Variants in TRNAU1AP observed in about 807,000 individuals in gnomAD.
The protein encoded by TRNAU1AP is tRNA selenocysteine 1 associated protein 1, also known as tRNA selenocysteine 1-associated protein 1.
A neutral mutation model predicts 43.3 loss-of-function variants in TRNAU1AP; 33 were observed. That is an observed-to-expected ratio of 0.76 (90% CI 0.58 to 1.02). The LOEUF (loss-of-function observed/expected upper bound fraction) is 1.02, where lower values mean the gene tolerates loss of function less well. Among genes scored for constraint, TRNAU1AP ranks in the 50% least tolerant of loss-of-function variants. The pLI is 0.00. For missense variants in TRNAU1AP, 290 were observed against 362.7 expected, an observed-to-expected ratio of 0.80 and a Z score of 1.63; for synonymous variants, 143 against 129.1, an observed-to-expected ratio of 1.11 and a Z score of -0.73.
intron 6 of TRNAU1AP, among the ~76,000 whole-genome samples, chr1:28,567,859 A>G (rs1229765300): frequency 6.6e-6 from 1 of 152,164 alleles, no homozygotes; most frequent in Non-Finnish European, 1.5e-5. Flanking sequence ...GGGAATGGAT[A>G]AGAATTAGTA....
intron 2 of TRNAU1AP, among the ~76,000 whole-genome samples, chr1:28,558,150 G>A (rs1195040350): frequency 6.7e-6 from 1 of 148,994 alleles, no homozygotes; most frequent in African/African-American, 2.5e-5. Context: ...ACCCGCCTTG[G>A]CCTCCCAACG....
At chr1:28,561,582 G>T (rs756255487) in intron 4 of TRNAU1AP, among the ~76,000 whole-genome samples, 184 bp downstream of exon 4, 1 of 152,110 alleles carries the variant, frequency 6.6e-6, no homozygotes, top group Non-Finnish European at 1.5e-5. Context: ...TTCTGTATTT[G>T]GTCCCTGCCC....
At position 28,564,817 on chromosome 1, in the gene TRNAU1AP, C is replaced by T; in HGVS notation, c.393C>T (p.Asp131=). ...PSCRGGKVVL[D]QTGVSKGYGF... ...GTCGGGGAGGCAAGGTGGTTTTGGA[C>T]CAGACAGGCGTGTCTAAGTAAGGCC... Residue 131 remains aspartate, a synonymous_variant, in exon 5 of 9, where the codon GAC becomes GAT. Coordinates refer to ENST00000373830, the MANE Select transcript of TRNAU1AP (RefSeq NM_017846.5). The T allele has an allele frequency of 6.2e-7, 1 of 1,614,042 alleles. No homozygotes were observed. The highest frequency in any genetic ancestry group is 1.1e-5 in the South Asian group (1 of 91,052).
chr1:28,567,682 G>A (rs1665571798), intron 6 of TRNAU1AP, among the ~76,000 whole-genome samples: 1 of 152,180 alleles, frequency 6.6e-6, no homozygotes, highest in African/African-American at 2.4e-5. Flanking sequence ...TGGAAAAGCT[G>A]TTTGGCTGTC....
intron 8 of TRNAU1AP, 127 bp from the exon 9 acceptor site, chr1:28,577,373 A>G (rs1048192870): frequency 1.2e-5 from 12 of 1,031,586 alleles, no homozygotes; most frequent in Non-Finnish European, 1.7e-5. Context: ...CAGTGCTTTC[A>G]CTTCCTGAAA....
intron 6 of TRNAU1AP, 76 bp from the exon 7 acceptor site, chr1:28,571,100 A>C (rs915045946): frequency 4.8e-6 from 7 of 1,452,834 alleles, no homozygotes; most frequent in Non-Finnish European, 6.7e-6. Flanking sequence ...AAAGCACTTA[A>C]AATAGTCTGT....
chr1:28,571,786 A>AAAAAAAAAAAAAAATAAAAT, intron 7 of TRNAU1AP, 81 bp from the exon 8 acceptor site: 1 of 1,008,574 alleles, frequency 9.9e-7, no homozygotes, highest in Non-Finnish European at 1.5e-6. Flanking sequence ...CCACCTCAAA[A>AAAAAAAAAAAAAAATAAAAT]AAAATAAAAA....
intron 8 of TRNAU1AP, among the ~76,000 whole-genome samples, chr1:28,573,466 C>T (rs1258426958): frequency 6.6e-6 from 1 of 151,232 alleles, no homozygotes; most frequent in East Asian, 1.9e-4. Context: ...TGGTGAAACC[C>T]CGTCTCTACT....
At chr1:28,561,955 C>T (rs1665418003) in intron 4 of TRNAU1AP, among the ~76,000 whole-genome samples, 1 of 151,422 alleles carries the variant, frequency 6.6e-6, no homozygotes, top group Non-Finnish European at 1.5e-5. Flanking sequence ...GCCTGTAGTC[C>T]CAGCTACTCA....
chr1:28,561,413 A>AT lies in TRNAU1AP; in HGVS notation c.278+16dup. 1 of 1,613,890 alleles carries AT rather than the reference A, an allele frequency of 6.2e-7. No individual in the cohort carries two copies. Among genetic ancestry groups the AT allele is most frequent in the Non-Finnish European group, 8.5e-7 (1 of 1,179,800 alleles). ...CCAGATAACAGGTAGGTACAAAGTCATGTCTAGACAGACATAAGATGTGTC... is the reference window on the plus strand; with the variant it reads ...CCAGATAACAGGTAGGTACAAAGTCATTGTCTAGACAGACATAAGATGTGTC... On this transcript the variant is annotated intron_variant, in intron 4 of 8. Transcript: ENST00000373830.
chr1:28,563,683 CAAAAAA>C (rs879687976), intron 4 of TRNAU1AP, among the ~76,000 whole-genome samples: 1 of 109,536 alleles, frequency 9.1e-6, no homozygotes, highest in Non-Finnish European at 1.9e-5. Context: ...GACTCCGTCT[CAAAAAA>C]AAAAAAAAGG....
chr1:28,571,628 A>G (rs1665663166), intron 7 of TRNAU1AP, among the ~76,000 whole-genome samples: 1 of 151,948 alleles, frequency 6.6e-6, no homozygotes, highest in African/African-American at 2.4e-5. Context: ...CTAAAAATAC[A>G]AAAAATTAGC....
intron 8 of TRNAU1AP, among the ~76,000 whole-genome samples, chr1:28,577,252 T>G (rs749284768): frequency 2.4e-4 from 37 of 152,218 alleles, no homozygotes; most frequent in South Asian, 4.1e-4. Flanking sequence ...CTAGGATACA[T>G]GATGGCTAGA....
At chr1:28,570,948 C>G (rs1456619603) in intron 6 of TRNAU1AP, among the ~76,000 whole-genome samples, 1 of 151,968 alleles carries the variant, frequency 6.6e-6, no homozygotes, top group African/African-American at 2.4e-5. Context: ...ACCTGTAGTC[C>G]CAGCTACTCA....
intron 3 of TRNAU1AP, 58 bp from the exon 4 acceptor site, chr1:28,561,288 T>C (rs1294653060): frequency 1.4e-5 from 22 of 1,608,340 alleles, no homozygotes; most frequent in Non-Finnish European, 1.8e-5. Context: ...TCTTCAAATA[T>C]TGTTCAACTC....
At chr1:28,561,232 C>A in intron 3 of TRNAU1AP, 114 bp from the exon 4 acceptor site, 1 of 1,516,804 alleles carries the variant, frequency 6.6e-7, no homozygotes, top group South Asian at 1.3e-5. Flanking sequence ...AAAGCTGAGG[C>A]TTAGAGAGGG....
rs547104219 is a variant in TRNAU1AP, at chr1:28,576,869, G to A, written c.728-631G>A. Among the ~76,000 whole-genome samples, 3 of 152,302 alleles carry A rather than the reference G, an allele frequency of 2.0e-5. No individual in the cohort carries two copies. The South Asian group carries it at 6.2e-4, about 32-fold the overall frequency. On this transcript the variant is annotated intron_variant, in intron 8 of 8. Transcript: ENST00000373830. ...CCGCCTCGACCTGCTGAAGTGCTGG[G>A]ATTATGGGCATGAGCCACTGTGCAG...
At chr1:28,561,859 T>G (rs1327589667) in intron 4 of TRNAU1AP, among the ~76,000 whole-genome samples, 1 of 152,026 alleles carries the variant, frequency 6.6e-6, no homozygotes, top group African/African-American at 2.4e-5. Flanking sequence ...GATCACGAGG[T>G]CAGGAGATCG....
chr1:28,560,777 T>C (rs1194391894), intron 3 of TRNAU1AP, 45 bp downstream of exon 3: 2 of 1,457,584 alleles, frequency 1.4e-6, no homozygotes. Flanking sequence ...ATTATTGTCA[T>C]TGCTTACTAC....
Sources: allele counts gnomAD v4.1 joint callset (sites outside exome capture counted in the v4.1 genomes callset), GRCh38; gene constraint gnomAD v4.1.1; transcripts MANE v1.5; gene names NCBI Gene and HGNC (gene_info 2026-07-23, HGNC 2026-07-21).